The following B4GALT1 variants were observed in gnomAD, a reference collection of about 807,000 sequenced individuals.
B4GALT1 encodes the protein beta-1,4-galactosyltransferase 1.
In B4GALT1, 16 loss-of-function variants were observed where a neutral mutation model predicts 34.9. The ratio of observed to expected loss-of-function variants is 0.46; its 90% CI spans 0.31 to 0.70. The LOEUF (loss-of-function observed/expected upper bound fraction) is 0.70. Ranked by LOEUF, B4GALT1 falls within the 30% of genes least tolerant of loss-of-function variation. B4GALT1 has a pLI of 0.05. For missense variants in B4GALT1, 445 were observed against 530.5 expected (o/e 0.84, Z 1.58); for synonymous variants, 221 against 218.1 (o/e 1.01, Z -0.12).
chr9:33,184,252 GTACACA>G, the B4GALT1 span, among the ~76,000 whole-genome samples: 1 of 42,318 alleles, frequency 2.4e-5, no homozygotes, highest in African/African-American at 1.1e-4. Context: ...AGTCACTCTT[GTACACA>G]CACACACACA....
At chr9:33,151,799 C>T (rs1242290065) in intron 1 of B4GALT1, among the ~76,000 whole-genome samples, 2 of 152,132 alleles carry the variant, frequency 1.3e-5, no homozygotes, top group Admixed American at 1.3e-4. Context: ...AACTCTGGGA[C>T]CTTAAAGGGT....
the B4GALT1 span, among the ~76,000 whole-genome samples, chr9:33,175,021 A>ATATATATATATATATATAT: frequency 9.4e-4 from 55 of 58,662 alleles, no homozygotes; most frequent in Admixed American, 1.7e-3. Context: ...ATATATATAT[A>ATATATATATATATATATAT]AAATTGGAGG....
chr9:33,172,648 C>T, the B4GALT1 span, among the ~76,000 whole-genome samples: 1 of 152,126 alleles, frequency 6.6e-6, no homozygotes, highest in Non-Finnish European at 1.5e-5. Flanking sequence ...ATGGGAGATA[C>T]GGATAGCTGG....
chr9:33,138,917 A>G (rs1840308211), intron 1 of B4GALT1, among the ~76,000 whole-genome samples: 1 of 151,290 alleles, frequency 6.6e-6, no homozygotes, highest in Non-Finnish European at 1.5e-5. Flanking sequence ...TCCATCTTCT[A>G]TTCCCCCTCC....
chr9:33,129,720 G>A (rs1261065392), intron 2 of B4GALT1, among the ~76,000 whole-genome samples: 1 of 152,218 alleles, frequency 6.6e-6, no homozygotes, highest in East Asian at 1.9e-4. Flanking sequence ...GGGAGCAGCA[G>A]GGAAGGAGAA....
In B4GALT1 at chr9:33,113,337, G is replaced by A. The variant is rs985399192; in HGVS notation, c.*117C>T. Reference sequence around the variant, plus strand: ...CTGGAAAGCCATCTGAATGATGAGCGAAGGGGACCTGTCACTCAGACTGGT... The same window carrying A: ...CTGGAAAGCCATCTGAATGATGAGCAAAGGGGACCTGTCACTCAGACTGGT... On this transcript the variant is annotated 3_prime_UTR_variant, in exon 6 of 6. Coordinates refer to ENST00000379731, the MANE Select transcript of B4GALT1 (RefSeq NM_001497.4). The A allele has an allele frequency of 7.4e-6, 11 of 1,483,684 alleles. No individual in the cohort carries two copies. The highest frequency in any genetic ancestry group is 1.4e-5 in the African/African-American group (1 of 72,240). The allele number at this position is 1,483,684 out of a possible 1,614,324, so 91.9% of individuals were successfully genotyped here.
chr9:33,164,232 G>T (rs2118327608), intron 1 of B4GALT1, among the ~76,000 whole-genome samples: 2 of 152,262 alleles, frequency 1.3e-5, no homozygotes, highest in East Asian at 3.9e-4. Flanking sequence ...AAACCCCACG[G>T]ATGCTTTCTC....
At chr9:33,137,609 G>C (rs1307045867) in intron 1 of B4GALT1, among the ~76,000 whole-genome samples, 2 of 151,130 alleles carry the variant, frequency 1.3e-5, no homozygotes, top group Admixed American at 6.7e-5. Context: ...AGAATTGCTT[G>C]AGGAAGTTAG....
At chr9:33,114,366 G>T (rs1202846944) in intron 4 of B4GALT1, among the ~76,000 whole-genome samples, 1 of 152,236 alleles carries the variant, frequency 6.6e-6, no homozygotes, top group Non-Finnish European at 1.5e-5. Context: ...AGTGCCCTCA[G>T]GGAGCAACGT....
chr9:33,160,432 C>T (rs1840657175), intron 1 of B4GALT1, among the ~76,000 whole-genome samples: 1 of 152,156 alleles, frequency 6.6e-6, no homozygotes, highest in African/African-American at 2.4e-5. Flanking sequence ...ACCAGGCTAT[C>T]TACATGAATC....
chr9:33,153,355 A>C (rs1840550070), intron 1 of B4GALT1, among the ~76,000 whole-genome samples: 1 of 152,182 alleles, frequency 6.6e-6, no homozygotes, highest in African/African-American at 2.4e-5. Context: ...ACCAAAAGCA[A>C]GCAGAATGAA....
intron 4 of B4GALT1, 138 bp from the exon 5 acceptor site, chr9:33,114,016 AC>A: frequency 1.3e-6 from 1 of 782,536 alleles, no homozygotes; most frequent in Non-Finnish European, 2.2e-6. Context: ...TCATGCCAGA[AC>A]CCAGCCCAGC....
chr9:33,152,237 G>A (rs1840527059), intron 1 of B4GALT1, among the ~76,000 whole-genome samples: 1 of 152,146 alleles, frequency 6.6e-6, no homozygotes, highest in East Asian at 1.9e-4. Flanking sequence ...CCAGGAGGCA[G>A]AGGTTGCAGT....
At chr9:33,107,965 G>A (rs777370373), downstream of B4GALT1, among the ~76,000 whole-genome samples, 2 of 152,160 alleles carry the variant, frequency 1.3e-5, no homozygotes, top group Non-Finnish European at 2.9e-5. Flanking sequence ...AGTTCAAGAC[G>A]TGTGCCCCAG....
intron 2 of B4GALT1, among the ~76,000 whole-genome samples, chr9:33,105,264 C>G (rs1036587466): frequency 5.9e-5 from 9 of 151,904 alleles, no homozygotes; most frequent in Non-Finnish European, 8.8e-5. Context: ...CTCAGCCTCC[C>G]TAGTAGCTGG....
chr9:33,128,909 CAG>C (rs908564361), intron 2 of B4GALT1, among the ~76,000 whole-genome samples: 3 of 152,208 alleles, frequency 2.0e-5, no homozygotes, highest in African/African-American at 7.2e-5. Flanking sequence ...GGTAGGGTGA[CAG>C]ATACTCTTGC....
At chr9:33,164,162 A>T (rs1476746166) in intron 1 of B4GALT1, among the ~76,000 whole-genome samples, 1 of 152,204 alleles carries the variant, frequency 6.6e-6, no homozygotes, top group Non-Finnish European at 1.5e-5. Context: ...ACCCCTGGAC[A>T]CCAGAAAGTA....
intron 1 of B4GALT1, among the ~76,000 whole-genome samples, chr9:33,150,335 A>C (rs539088042): frequency 1.3e-5 from 2 of 151,980 alleles, no homozygotes; most frequent in East Asian, 3.9e-4. Flanking sequence ...AGGGACTCCA[A>C]AGGATATCCA....
chr9:33,144,106 G>A (rs2118208440), intron 1 of B4GALT1, among the ~76,000 whole-genome samples: 1 of 152,258 alleles, frequency 6.6e-6, no homozygotes, highest in East Asian at 1.9e-4. Flanking sequence ...CAAGTCTCAA[G>A]CTCCTGGTCT....
Sources: gnomAD v4.1 joint callset for allele counts (sites outside exome capture counted in the v4.1 genomes callset) on GRCh38, gnomAD v4.1.1 for gene constraint, MANE v1.5 for transcripts, NCBI Gene and HGNC (gene_info 2026-07-23, HGNC 2026-07-21) for gene names.